ERCC8: variants seen among roughly 807,000 people sequenced by gnomAD.
The protein encoded by ERCC8 is ERCC excision repair 8, CSA ubiquitin ligase complex subunit.
In ERCC8, 52 loss-of-function variants were observed where a neutral mutation model predicts 54.9. That is an observed-to-expected ratio of 0.95 (90% CI 0.76 to 1.19). The LOEUF is 1.19. ERCC8 is among the 50% of genes most tolerant of loss of function. The pLI is 0.00. For synonymous variants in ERCC8, 146 were observed against 157.2 expected (o/e 0.93, Z 0.53); for missense variants, 514 against 466.1 (o/e 1.10, Z -0.95).
At chr5:60,876,620 C>T (rs551754702) in intron 11 of ERCC8, among the ~76,000 whole-genome samples, 70 of 152,320 alleles carry the variant, frequency 4.6e-4, no homozygotes, top group Non-Finnish European at 8.4e-4. Flanking sequence ...TTGCATTTCT[C>T]TGATGGCCAG....
In ERCC8 at chr5:60,874,340, A is replaced by T; in HGVS notation, c.*275T>A. The T allele has an allele frequency of 2.7e-6, 1 of 371,672 alleles. No individual in the cohort carries two copies. Among genetic ancestry groups the T allele is most frequent in the South Asian group, 4.1e-5 (1 of 24,402 alleles). 23.0% of individuals were successfully genotyped at this position (371,672 alleles called of 1,614,324 possible). On this transcript the variant is annotated 3_prime_UTR_variant, in exon 12 of 12. Transcript: ENST00000676185. Reference sequence around the variant, plus strand: ...TTCATAAAATCTGCTGAAGGTCACAACTGAGGTACAACGACTTGTGTTACT... The same window carrying T: ...TTCATAAAATCTGCTGAAGGTCACATCTGAGGTACAACGACTTGTGTTACT...
chr5:60,911,873 G>C (rs529322201), intron 4 of ERCC8, among the ~76,000 whole-genome samples: 70 of 152,024 alleles, frequency 4.6e-4, no homozygotes, highest in Non-Finnish European at 7.9e-4. Flanking sequence ...TCTTGTTTTT[G>C]TCAGGTTTGT....
intron 11 of ERCC8, among the ~76,000 whole-genome samples, chr5:60,887,031 TCCAA>T (rs1158821876): frequency 6.6e-6 from 1 of 152,176 alleles, no homozygotes; most frequent in Non-Finnish European, 1.5e-5. Context: ...AAGTTGAATG[TCCAA>T]CCATGATATG....
chr5:60,892,719 G>GTGCC, intron 9 of ERCC8: 1 of 692,324 alleles, frequency 1.4e-6, no homozygotes, highest in South Asian at 1.6e-5. Context: ...ATGCAGGATG[G>GTGCC]TGCCCACCTC....
chr5:60,940,759 T>C (rs1344550553), intron 1 of ERCC8, among the ~76,000 whole-genome samples: 1 of 152,192 alleles, frequency 6.6e-6, no homozygotes, highest in Admixed American at 6.5e-5. Flanking sequence ...CTACAGTCCA[T>C]AAGTAGGTAG....
chr5:60,897,619 GCCACATAAGAAT>G (rs1373409984), intron 9 of ERCC8, among the ~76,000 whole-genome samples: 2 of 152,038 alleles, frequency 1.3e-5, no homozygotes, highest in African/African-American at 2.4e-5. Flanking sequence ...GAAATTAATA[GCCACATAAGAAT>G]ATAGCACCTT....
intron 4 of ERCC8, among the ~76,000 whole-genome samples, chr5:60,914,841 T>A (rs1749382558): frequency 6.6e-6 from 1 of 151,160 alleles, no homozygotes; most frequent in South Asian, 2.1e-4. Context: ...AATGTTCGTA[T>A]CTATTGAGAT....
At chr5:60,898,597 C>CA (rs915232990) in intron 8 of ERCC8, among the ~76,000 whole-genome samples, 197 bp from the exon 9 acceptor site, 21 of 139,560 alleles carry the variant, frequency 1.5e-4, no homozygotes, top group South Asian at 2.3e-4. Flanking sequence ...TAGAGGAAAA[C>CA]AAAAAAAAAA....
intron 9 of ERCC8, among the ~76,000 whole-genome samples, chr5:60,891,775 A>G (rs1748568351): frequency 6.6e-6 from 1 of 151,542 alleles, no homozygotes; most frequent in South Asian, 2.1e-4. Flanking sequence ...TTTTTCCTGG[A>G]GAGAGTGGAG....
At chr5:60,900,558 C>G (rs1748847287) in intron 7 of ERCC8, 1 of 151,908 alleles carries the variant, frequency 6.6e-6, no homozygotes, top group African/African-American at 2.4e-5. Flanking sequence ...AAAATATACA[C>G]ACAAGGTTTA....
chr5:60,940,437 C>T (rs1193630992), intron 1 of ERCC8, among the ~76,000 whole-genome samples: 9 of 152,196 alleles, frequency 5.9e-5, no homozygotes, highest in Non-Finnish European at 1.3e-4. Context: ...TGGGCCTAAA[C>T]TTGGAAGCGT....
chr5:60,931,192 TG>T (rs1749899105), intron 1 of ERCC8, among the ~76,000 whole-genome samples: 1 of 151,434 alleles, frequency 6.6e-6, no homozygotes. Flanking sequence ...GTCCCAGGAG[TG>T]GTGATTATTA....
rs1321596631 is a variant in ERCC8, at chr5:60,871,229, G to A, written c.*3386C>T. Among the ~76,000 whole-genome samples, 1 of 152,158 alleles carries A rather than the reference G, an allele frequency of 6.6e-6. No homozygotes were observed. Among genetic ancestry groups the A allele is most frequent in the South Asian group, 2.1e-4 (1 of 4,828 alleles). ...AATAAACATGTAGCCTTGAACAGGG[G>A]ACCAGCTGAAAACAACTGGGGGACA... On this transcript the variant is annotated 3_prime_UTR_variant, in exon 12 of 12. Coordinates refer to ENST00000676185, the MANE Select transcript of ERCC8 (RefSeq NM_000082.4).
rs1181620363 is a variant in ERCC8, at chr5:60,873,305, C to T, written c.*1310G>A. ...TTATCTGCCAATTGGAAAAAAAAAT[C>T]AATTGTAAAAGCAAGTGTTTGGAAA... On this transcript the variant is annotated 3_prime_UTR_variant, in exon 12 of 12. Transcript: ENST00000676185. Among the ~76,000 whole-genome samples the T allele has an allele frequency of 3.3e-5, 5 of 152,036 alleles. No homozygotes were observed. The highest frequency in any genetic ancestry group is 3.3e-4 in the Admixed American group (5 of 15,260).
At chr5:60,879,036 T>C (rs1214955819) in intron 11 of ERCC8, among the ~76,000 whole-genome samples, 3 of 152,236 alleles carry the variant, frequency 2.0e-5, no homozygotes, top group South Asian at 2.1e-4. Context: ...ACACACTGCT[T>C]TGAATGTGTC....
At chr5:60,877,537 C>G (rs868840392) in intron 11 of ERCC8, among the ~76,000 whole-genome samples, 1 of 152,130 alleles carries the variant, frequency 6.6e-6, no homozygotes, top group Admixed American at 6.5e-5. Flanking sequence ...TGTTTGTATC[C>G]TCTTTTATTT....
chr5:60,895,169 CAAAA>C (rs5868257), intron 9 of ERCC8, among the ~76,000 whole-genome samples: 3 of 90,800 alleles, frequency 3.3e-5, no homozygotes, highest in Admixed American at 1.2e-4. Flanking sequence ...GACTCTACCT[CAAAA>C]AAAAAAAAAA....
chr5:60,910,408 C>T (rs1037088409), intron 4 of ERCC8, among the ~76,000 whole-genome samples: 3 of 151,742 alleles, frequency 2.0e-5, no homozygotes, highest in African/African-American at 7.3e-5. Flanking sequence ...AGTCAATTTT[C>T]AAAAAAAGAA....
intron 11 of ERCC8, among the ~76,000 whole-genome samples, chr5:60,884,392 C>T (rs563233283): frequency 4.8e-5 from 7 of 147,270 alleles, no homozygotes; most frequent in Admixed American, 2.8e-4. Context: ...AGGAGAATGG[C>T]GTGAACCCAG....
Sources: allele counts gnomAD v4.1 joint callset (sites outside exome capture counted in the v4.1 genomes callset), GRCh38; gene constraint gnomAD v4.1.1; transcripts MANE v1.5; gene names NCBI Gene and HGNC (gene_info 2026-07-23, HGNC 2026-07-21).